FREM2: variants seen among roughly 807,000 people sequenced by gnomAD.
FREM2 encodes FRAS1 related extracellular matrix 2, also known as FRAS1-related extracellular matrix protein 2.
A neutral mutation model predicts 219.9 loss-of-function variants in FREM2; 119 were observed. The observed-to-expected ratio is 0.54, with a 90% CI of 0.47 to 0.63. The LOEUF is 0.63. FREM2 is among the 30% of genes least tolerant of loss of function. FREM2 has a pLI of 0.00. For missense variants in FREM2, 4,030 were observed against 3,993.6 expected (o/e 1.01, Z -0.25); for synonymous variants, 1,562 against 1,522.8 (o/e 1.03, Z -0.60).
chr13:38,728,480 G>C (rs928597297), intron 2 of FREM2, among the ~76,000 whole-genome samples: 1 of 150,956 alleles, frequency 6.6e-6, no homozygotes, highest in Non-Finnish European at 1.5e-5. Flanking sequence ...ATCAGGGCTC[G>C]GTGCAGCCTC....
rs199962364 is a variant in FREM2 at position 38,846,740 on chromosome 13, C to G, written c.6169+18C>G. On this transcript the variant is annotated intron_variant, in intron 7 of 23. Coordinates refer to ENST00000280481, the MANE Select transcript of FREM2 (RefSeq NM_207361.6). ...TGCAGATGGTGAGCAGTTTCCCACT[C>G]GGCTCTTTTGATTGTTCTGCAATTT... 1.9e-6 allele frequency: 3 copies of G among 1,612,956 alleles called. No homozygotes were observed. The highest frequency in any genetic ancestry group is 4.5e-5 in the East Asian group (2 of 44,854).
At chr13:38,846,466 T>A (rs761384464) in intron 6 of FREM2, 107 bp from the exon 7 acceptor site, 1 of 1,133,898 alleles carries the variant, frequency 8.8e-7, no homozygotes, top group Admixed American at 1.9e-5. Context: ...TATGATGATA[T>A]AAGGAAGTCC....
chr13:38,755,103 A>G (rs368972910), intron 2 of FREM2, among the ~76,000 whole-genome samples: 1 of 152,060 alleles, frequency 6.6e-6, no homozygotes, highest in African/African-American at 2.4e-5. Flanking sequence ...GGGTTTCACC[A>G]TGTTGGTCAG....
chr13:38,878,403 G>GACGGGC, intron 22 of FREM2, 82 bp downstream of exon 22: 1 of 885,858 alleles, frequency 1.1e-6, no homozygotes, highest in Non-Finnish European at 1.8e-6. Flanking sequence ...AACAAGGCTG[G>GACGGGC]GCACAGTGGC....
At chr13:38,772,028 A>T (rs371796577) in intron 4 of FREM2, among the ~76,000 whole-genome samples, 9 of 152,078 alleles carry the variant, frequency 5.9e-5, no homozygotes, top group African/African-American at 4.8e-5. Flanking sequence ...TTTTCCCCCC[A>T]TTTAAAAACT....
At chr13:38,838,732 T>G (rs536802074) in intron 6 of FREM2, among the ~76,000 whole-genome samples, 1 of 152,320 alleles carries the variant, frequency 6.6e-6, no homozygotes, top group Non-Finnish European at 1.5e-5. Context: ...TCTGATATCC[T>G]TTTTTCCACT....
At chr13:38,754,894 TG>T (rs1566129696) in intron 2 of FREM2, among the ~76,000 whole-genome samples, 26 of 128,136 alleles carry the variant, frequency 2.0e-4, no homozygotes, top group African/African-American at 3.0e-4. Context: ...ATGATGATGA[TG>T]ATGATGATTA....
intron 6 of FREM2, among the ~76,000 whole-genome samples, chr13:38,841,021 G>C (rs901501349): frequency 1.3e-5 from 2 of 152,048 alleles, no homozygotes; most frequent in African/African-American, 4.8e-5. Flanking sequence ...AAGGGCACAG[G>C]CTTTATCTAG....
At chr13:38,756,286 C>CAGGGTT (rs1872994951) in intron 2 of FREM2, among the ~76,000 whole-genome samples, 1 of 152,118 alleles carries the variant, frequency 6.6e-6, no homozygotes, top group Non-Finnish European at 1.5e-5. Flanking sequence ...AGGGGAAATA[C>CAGGGTT]AGGGTTAGGT....
At chr13:38,845,448 C>A (rs1359542339) in intron 6 of FREM2, among the ~76,000 whole-genome samples, 1 of 152,146 alleles carries the variant, frequency 6.6e-6, no homozygotes, top group Non-Finnish European at 1.5e-5. Flanking sequence ...CCTTTTGAAT[C>A]TTGTAAAACT....
At chr13:38,754,815 A>G (rs1302565669) in intron 2 of FREM2, among the ~76,000 whole-genome samples, 1 of 151,758 alleles carries the variant, frequency 6.6e-6, no homozygotes, top group East Asian at 1.9e-4. Flanking sequence ...TGCCTATATT[A>G]TGCCAGTTCT....
rs112385481 is a variant in FREM2 at position 38,705,564 on chromosome 13, C to T, written c.5263+7777C>T. Among the ~76,000 whole-genome samples, 269 of 152,276 alleles carry T rather than the reference C, an allele frequency of 1.8e-3. 1 individual carries two copies. Among genetic ancestry groups the T allele is most frequent in the African/African-American group, 6.3e-3 (261 of 41,546 alleles). On this transcript the variant is annotated intron_variant, in intron 2 of 23. Coordinates refer to ENST00000280481, the MANE Select transcript of FREM2 (RefSeq NM_207361.6). ...TTGTGCCTCTTACCGTAATTGGTGA[C>T]GTGACCCTGAGCCAAGTGACCGAGA...
intron 2 of FREM2, among the ~76,000 whole-genome samples, chr13:38,701,107 A>G (rs1328391020): frequency 6.6e-6 from 1 of 151,932 alleles, no homozygotes; most frequent in African/African-American, 2.4e-5. Context: ...TAAGTCTAGT[A>G]CCCAATAGTT....
At position 38,700,620 on chromosome 13, in the gene FREM2, A is replaced by C. The variant is rs76487926; in HGVS notation, c.5263+2833A>C. Among the ~76,000 whole-genome samples, 609 of 152,200 alleles carry C rather than the reference A, an allele frequency of 4.0e-3. 4 individuals carry two copies. The highest frequency in any genetic ancestry group is 0.014 in the African/African-American group (586 of 41,554). On this transcript the variant is annotated intron_variant, in intron 2 of 23. Coordinates refer to ENST00000280481, the MANE Select transcript of FREM2 (RefSeq NM_207361.6). Reference sequence around the variant, plus strand: ...GCAACAAAAACAGCAAAAAAAACTTAGTATGATTTCTATTTGGCAGATGAG... The same window carrying C: ...GCAACAAAAACAGCAAAAAAAACTTCGTATGATTTCTATTTGGCAGATGAG...
intron 6 of FREM2, among the ~76,000 whole-genome samples, chr13:38,798,949 T>A (rs1874901917): frequency 6.6e-6 from 1 of 152,034 alleles, no homozygotes; most frequent in Non-Finnish European, 1.5e-5. Context: ...TTGTGTGGGT[T>A]TATTTCTTGT....
chr13:38,690,682 G>C lies in FREM2; in HGVS notation c.3338G>C (p.Gly1113Ala). ...ACTATAGTTATTCAGCCTACTTCAG[G>C]TTATGTTGAAAACATTTCTCCAGCA... is the stretch of plus-strand genomic sequence containing the variant. ...LCTIVIQPTS[G>A]YVENISPAPG... is the part of the protein sequence containing the mutation. Residue 1113 changes from glycine to alanine, a missense_variant, in exon 1 of 24, where the codon GGT (glycine) becomes GCT (alanine). By Grantham distance (60) the Gly-to-Ala change is moderately conservative (BLOSUM62 0). Transcript: ENST00000280481. 2.5e-6 allele frequency: 4 copies of C among 1,613,934 alleles called. No homozygotes were observed. Among genetic ancestry groups the C allele is most frequent in the Non-Finnish European group, 3.4e-6 (4 of 1,180,026 alleles).
In FREM2 at chr13:38,783,074, A is replaced by G. The variant is rs1240756076; in HGVS notation, c.5646A>G (p.Pro1882=). The part of the protein sequence containing the change: ...TVEIVDPGDE[P]TVFIPQSKYS... ...GCAATTGTGTTTTCTCTCTAGAGCCAACTGTGTTTATTCCCCAGTCCAAAT... is the reference window on the plus strand; with the variant it reads ...GCAATTGTGTTTTCTCTCTAGAGCCGACTGTGTTTATTCCCCAGTCCAAAT... The change falls in exon 5 of 24, where the codon CCA becomes CCG. Residue 1882 remains proline (P), a synonymous_variant. Coordinates refer to ENST00000280481, the MANE Select transcript of FREM2 (RefSeq NM_207361.6). The G allele has an allele frequency of 2.5e-6, 4 of 1,613,560 alleles. No homozygotes were observed. The highest frequency in any genetic ancestry group is 3.4e-6 in the Non-Finnish European group (4 of 1,179,934).
At chr13:38,805,522 G>T (rs549420524) in intron 6 of FREM2, among the ~76,000 whole-genome samples, 1 of 151,966 alleles carries the variant, frequency 6.6e-6, no homozygotes, top group South Asian at 2.1e-4. Context: ...GCAATAGGCC[G>T]GTAAAATACA....
intron 6 of FREM2, among the ~76,000 whole-genome samples, chr13:38,787,705 A>G (rs1874384923): frequency 6.6e-6 from 1 of 150,506 alleles, no homozygotes; most frequent in African/African-American, 2.4e-5. Flanking sequence ...TTTATTATTT[A>G]TTAATGTTAT....
Sources: gnomAD v4.1 joint callset for allele counts (sites outside exome capture counted in the v4.1 genomes callset) on GRCh38, gnomAD v4.1.1 for gene constraint, MANE v1.5 for transcripts, NCBI Gene and HGNC (gene_info 2026-07-23, HGNC 2026-07-21) for gene names.